Variants in ARHGEF1 observed in about 807,000 individuals in gnomAD.
ARHGEF1 encodes the protein 115 kDa guanine nucleotide exchange factor.
ARHGEF1 carries 40 observed loss-of-function variants against 119.7 expected under a neutral mutation model. The ratio of observed to expected loss-of-function variants is 0.33; its 90% CI spans 0.26 to 0.44. The LOEUF is 0.44. Ranked by LOEUF, ARHGEF1 falls within the 20% of genes least tolerant of loss-of-function variation. The pLI, the probability that ARHGEF1 is intolerant of heterozygous loss-of-function variation, is 1.00. For missense variants in ARHGEF1, 976 were observed against 1,268.3 expected, an observed-to-expected ratio of 0.77 and a Z score of 3.50; for synonymous variants, 494 against 521.0, an observed-to-expected ratio of 0.95 and a Z score of 0.71.
upstream of ARHGEF1, among the ~76,000 whole-genome samples, chr19:41,918,822 CACAT>C (rs782000307): frequency 2.0e-5 from 3 of 150,564 alleles, no homozygotes; most frequent in Admixed American, 6.6e-5. Flanking sequence ...ACATCACTCT[CACAT>C]ACGCCACACA....
At chr19:41,899,411 G>A (rs1034770007) in intron 14 of ARHGEF1, among the ~76,000 whole-genome samples, 4 of 152,094 alleles carry the variant, frequency 2.6e-5, no homozygotes, top group South Asian at 2.1e-4. Context: ...TTGCTTCTGC[G>A]TGGAGAGATG....
At position 41,906,024 on chromosome 19, in the gene ARHGEF1, A is replaced by T; in HGVS notation, c.2490A>T (p.Lys830Asn). Residue 830 changes from lysine (K) to asparagine (N), a missense_variant and splice_region_variant, in exon 26 of 29, where the codon AAA becomes AAT. This residue lies in a region of ARHGEF1 where 171 missense variants were observed against 180.6 expected (regional missense o/e 0.95). Transcript: ENST00000354532. The surrounding 1 kb of genome is among the most constrained non-coding windows in gnomAD (Gnocchi z 4.5). ...AGCTCGCTGCCACGGCCCTTCGGAA[A>T]GGTAGCCCAGCTCTGCCCCTCCAGG... The part of the protein sequence containing the change: ...EGQLAATALR[K>N]VLSLKQLLFP... 2.5e-6 allele frequency: 4 copies of T among 1,613,760 alleles called. No homozygotes were observed. Among genetic ancestry groups the T allele is most frequent in the Non-Finnish European group, 3.4e-6 (4 of 1,179,890 alleles).
At chr19:41,924,156 T>C (rs1555853042) in intron 1 of ARHGEF1, among the ~76,000 whole-genome samples, 1 of 150,860 alleles carries the variant, frequency 6.6e-6, no homozygotes, top group Non-Finnish European at 1.5e-5. Context: ...GGAGATGGGG[T>C]TGGGAGGTAA....
chr19:41,910,873 C>G (rs1177813012), downstream of ARHGEF1, among the ~76,000 whole-genome samples: 1 of 152,196 alleles, frequency 6.6e-6, no homozygotes, highest in Non-Finnish European at 1.5e-5. The surrounding 1 kb of genome is among the most constrained non-coding windows in gnomAD (Gnocchi z 4.4). Context: ...CAGACACAGG[C>G]TGCGCAAGAC....
In ARHGEF1 at chr19:41,917,606, C is replaced by T. The variant is rs1278827331; in HGVS notation, c.1866-5486C>T. Among the ~76,000 whole-genome samples the T allele has an allele frequency of 6.6e-6, 1 of 151,890 alleles. No homozygotes were observed. The highest frequency in any genetic ancestry group is 2.4e-5 in the African/African-American group (1 of 41,272). ...GAGACGCGGCCTAAGACCCTTCTGC[C>T]ACCGCCGCCCCCGCATGCACACACC... On this transcript the variant is annotated intron_variant, in intron 18 of 20. Transcript: ENST00000599589. This position sits in a 1 kb window ranked among gnomAD's most constrained non-coding sequence, Gnocchi z 4.8.
Position 41,903,551 on chromosome 19 carries a change from C to G in ARHGEF1, c.1839+144C>G, listed in dbSNP as rs2074639575. On this transcript the variant is annotated intron_variant, in intron 19 of 28. Transcript: ENST00000354532. The surrounding 1 kb of genome is among the most constrained non-coding windows in gnomAD (Gnocchi z 4.2). ...ACTGTGTCCAGGGGTTGGCTTGGCCCTCAGCATCTCCCTCTCAGGGTCATT... is the reference window on the plus strand; with the variant it reads ...ACTGTGTCCAGGGGTTGGCTTGGCCGTCAGCATCTCCCTCTCAGGGTCATT... 21 of 1,098,232 alleles carry G rather than the reference C, an allele frequency of 1.9e-5. No individual in the cohort carries two copies. Among genetic ancestry groups the G allele is most frequent in the Non-Finnish European group, 2.3e-5 (17 of 749,736 alleles). The allele number at this position is 1,098,232 out of a possible 1,614,324, so 68.0% of individuals were successfully genotyped here. A position where few individuals can be genotyped will look rare whatever the true frequency, so the allele number is the denominator to read the frequency against.
At chr19:41,911,194 C>T (rs1213919791), downstream of ARHGEF1, among the ~76,000 whole-genome samples, 6 of 152,160 alleles carry the variant, frequency 3.9e-5, no homozygotes, top group African/African-American at 7.2e-5. Context: ...GGGAGTACTC[C>T]ACTGTCCACA....
Position 41,904,343 on chromosome 19 carries a change from G to T in ARHGEF1, c.2121G>T (p.Val707=). 1.3e-6 allele frequency: 2 copies of T among 1,598,628 alleles called. No homozygotes were observed. Among genetic ancestry groups the T allele is most frequent in the Non-Finnish European group, 8.5e-7 (1 of 1,174,990 alleles). Residue 707 remains valine, a synonymous_variant, in exon 22 of 29, where the codon GTG becomes GTT. Coordinates refer to ENST00000354532, the MANE Select transcript of ARHGEF1 (RefSeq NM_004706.4). This position sits in a 1 kb window ranked among gnomAD's most constrained non-coding sequence, Gnocchi z 8.4. ...TPDGKTMLRP[V]LRLTSAMTRE... is the part of the protein sequence containing the mutation. ...ATGGCAAGACCATGCTGCGGCCCGTGCTGCGGCTCACCTCCGCCATGACCC... is the reference window on the plus strand; with the variant it reads ...ATGGCAAGACCATGCTGCGGCCCGTTCTGCGGCTCACCTCCGCCATGACCC...
In ARHGEF1 at chr19:41,888,146, G is replaced by C; in HGVS notation, c.24+40G>C. 6.2e-7 allele frequency: 1 copy of C among 1,614,096 alleles called. No individual in the cohort carries two copies. Among genetic ancestry groups the C allele is most frequent in the Non-Finnish European group, 8.5e-7 (1 of 1,179,992 alleles). On this transcript the variant is annotated intron_variant, in intron 2 of 28. Coordinates refer to ENST00000354532, the MANE Select transcript of ARHGEF1 (RefSeq NM_004706.4). The surrounding 1 kb of genome is among the most constrained non-coding windows in gnomAD (Gnocchi z 5.1). ...CAAGGGGTGAGGCGACTCTGGGGCT[G>C]TGGGTGGAGAGTCCTGTGGACTGAA...
rs782292800 is a variant in ARHGEF1, at chr19:41,904,169, AG to A, written c.1994-42del. ...TTGGGGCAGTGAGCCAAGGGCGGGG[AG>A]GGGGTCGCGCGGGGGCACGCCGTGT... On this transcript the variant is annotated intron_variant, in intron 21 of 28. Coordinates refer to ENST00000354532, the MANE Select transcript of ARHGEF1 (RefSeq NM_004706.4). This position sits in a 1 kb window ranked among gnomAD's most constrained non-coding sequence, Gnocchi z 8.4. 5.0e-6 allele frequency: 8 copies of A among 1,612,528 alleles called. No homozygotes were observed. In the African/African-American group the frequency reaches 1.1e-4, roughly 22 times the overall value.
At chr19:41,915,461 G>A (rs551237134) in intron 18 of ARHGEF1, among the ~76,000 whole-genome samples, 46 of 151,500 alleles carry the variant, frequency 3.0e-4, no homozygotes, top group African/African-American at 9.5e-4. Context: ...TGGTTCCCAC[G>A]TCGTCTCCAC....
rs782814616 is a variant in ARHGEF1 at position 41,892,360 on chromosome 19, C to T, written c.354C>T (p.Val118=). The T allele has an allele frequency of 8.7e-6, 14 of 1,613,952 alleles. No homozygotes were observed. The African/African-American group carries it at 1.2e-4, about 14-fold the overall frequency. The change falls in exon 6 of 29, where the codon GTC becomes GTT. Residue 118 remains valine (V), a synonymous_variant. Transcript: ENST00000354532. The surrounding 1 kb of genome is among the most constrained non-coding windows in gnomAD (Gnocchi z 6.3). ...AVLRVPVPPN[V]AFELDRTRAD... ...TCCGGGTGCCGGTCCCTCCCAACGT[C>T]GCCTTTGAACTTGGTAAGGAGAAGG... is the stretch of plus-strand genomic sequence containing the variant.
At chr19:41,925,688 C>T (rs2074867298) in intron 1 of ARHGEF1, among the ~76,000 whole-genome samples, 1 of 151,952 alleles carries the variant, frequency 6.6e-6, no homozygotes. Flanking sequence ...GATGAGTAAC[C>T]CGAAATGACA....
chr19:41,901,760 G>T, intron 14 of ARHGEF1, 127 bp from the exon 15 acceptor site: 1 of 1,229,066 alleles, frequency 8.1e-7, no homozygotes, highest in South Asian at 1.5e-5. Context: ...GCCAGAGAGA[G>T]TTTTTTCCCA....
In ARHGEF1 at chr19:41,902,197, C is replaced by A; in HGVS notation, c.1415-77C>A. The A allele has an allele frequency of 6.3e-7, 1 of 1,581,900 alleles. No homozygotes were observed. The stretch of plus-strand genomic sequence containing the variant: ...GACACAGACACACCTGCAGCCCTAC[C>A]CCCACCACACCGCAGCAGGCCCCGC... On this transcript the variant is annotated intron_variant, in intron 15 of 28. Coordinates refer to ENST00000354532, the MANE Select transcript of ARHGEF1 (RefSeq NM_004706.4). The surrounding 1 kb of genome is among the most constrained non-coding windows in gnomAD (Gnocchi z 6.5).
At chr19:41,907,831 CCT>C (rs1555850748), downstream of ARHGEF1, 1 of 188,184 alleles carries the variant, frequency 5.3e-6, no homozygotes, top group East Asian at 1.2e-4. Context: ...CTCTGAGCTC[CCT>C]GTCCCCAGGG....
downstream of ARHGEF1, chr19:41,909,372 C>T (rs2074740120): frequency 1.6e-6 from 2 of 1,236,836 alleles, no homozygotes; most frequent in Non-Finnish European, 2.0e-6. This position sits in a 1 kb window ranked among gnomAD's most constrained non-coding sequence, Gnocchi z 5.2. Context: ...CCGCCATGTC[C>T]AGCAGCGGGT....
chr19:41,907,310 A>G lies in ARHGEF1; in HGVS notation c.*223A>G. 6.5e-7 allele frequency: 1 copy of G among 1,533,684 alleles called. No individual in the cohort carries two copies. The highest frequency in any genetic ancestry group is 1.2e-5 in the South Asian group (1 of 83,748). On this transcript the variant is annotated 3_prime_UTR_variant, in exon 29 of 29. Transcript: ENST00000354532. ...CTCTGCTTGGGGGACTCAGGGCTCC[A>G]TTCTGGAGGGCACCACGGTGACCCG...
At chr19:41,887,448 C>G (rs1330449448) in intron 1 of ARHGEF1, among the ~76,000 whole-genome samples, 6 of 152,014 alleles carry the variant, frequency 3.9e-5, no homozygotes, top group African/African-American at 1.5e-4. Context: ...AGATGAGGTC[C>G]CTGGGGGAAA....
Sources: gnomAD v4.1 joint callset for allele counts (sites outside exome capture counted in the v4.1 genomes callset) on GRCh38, gnomAD v4.1.1 for gene constraint, gnomAD v4.1.1 regional missense constraint, Gnocchi (gnomAD v3.1) non-coding constraint, MANE v1.5 for transcripts, NCBI Gene and HGNC (gene_info 2026-07-23, HGNC 2026-07-21) for gene names.